TEAD1: variants seen among roughly 807,000 people sequenced by gnomAD.
TEAD1 encodes TEA domain transcription factor 1, also known as transcriptional enhancer factor TEF-1.
TEAD1 carries 9 observed loss-of-function variants against 54.9 expected under a neutral mutation model. The ratio of observed to expected loss-of-function variants is 0.16; its 90% CI spans 0.10 to 0.29. The LOEUF (loss-of-function observed/expected upper bound fraction) is 0.29. Among genes scored for constraint, TEAD1 ranks in the 10% least tolerant of loss-of-function variants. The pLI is 1.00. For missense variants in TEAD1, 387 were observed against 535.9 expected, an observed-to-expected ratio of 0.72 and a Z score of 2.74; for synonymous variants, 200 against 187.8, an observed-to-expected ratio of 1.07 and a Z score of -0.53.
rs1158382071 is a variant in TEAD1 at position 12,883,047 on chromosome 11, A to C, written c.621A>C (p.Gln207His). 4 of 1,614,174 alleles carry C rather than the reference A, an allele frequency of 2.5e-6. No homozygotes were observed. Among genetic ancestry groups the C allele is most frequent in the South Asian group, 1.1e-5 (1 of 91,082 alleles). The change falls in exon 9 of 13, where the codon CAA becomes CAC. Residue 207 changes from glutamine (Q) to histidine (H), a missense_variant. Transcript: ENST00000527636. ...CAGCTCCCTCAGTCCCTGCCTGGCA[A>C]GGTCGCTCCATTGGCACAACCAAGC...
intron 2 of TEAD1, among the ~76,000 whole-genome samples, chr11:12,749,662 C>T (rs552805570): frequency 7.2e-4 from 110 of 152,306 alleles, no homozygotes; most frequent in Middle Eastern, 6.8e-3. Context: ...GACTTTCTGT[C>T]CGTACCTCTC....
Position 12,937,974 on chromosome 11 carries a change from T to C in TEAD1, c.*752T>C, listed in dbSNP as rs1833043573. 6.6e-6 allele frequency: 1 copy of C among 152,322 alleles called. No homozygotes were observed. Among genetic ancestry groups the C allele is most frequent in the Non-Finnish European group, 1.5e-5 (1 of 67,950 alleles). The allele number at this position is 152,322 out of a possible 1,614,324, so 9.4% of individuals were successfully genotyped here. The stretch of plus-strand genomic sequence containing the variant: ...AACTTCACCCCTTATCCTTAACATA[T>C]ATAGTATATTTAAAAAATATAAAAT... On this transcript the variant is annotated 3_prime_UTR_variant, in exon 13 of 13. Transcript: ENST00000527636.
chr11:12,910,747 C>CTTTTTTTTTTTTTTTTTTT (rs5789752), intron 10 of TEAD1, among the ~76,000 whole-genome samples: 2 of 119,934 alleles, frequency 1.7e-5, no homozygotes, highest in Non-Finnish European at 1.7e-5. Flanking sequence ...ACTTAATTTG[C>CTTTTTTTTTTTTTTTTTTT]TTTTTTTTTT....
rs1443026033 is a variant in TEAD1, at chr11:12,719,799, C to G, written c.-55+44238C>G. Among the ~76,000 whole-genome samples, 3 of 151,622 alleles carry G rather than the reference C, an allele frequency of 2.0e-5. No homozygotes were observed. The Middle Eastern group carries it at 0.01, about 516-fold the overall frequency. ...AATCTTGAGCTAATAGCTAAAAAAA[C>G]TCTGACTTGAAAATTATGGTTTGTG... On this transcript the variant is annotated intron_variant, in intron 2 of 12. Coordinates refer to ENST00000527636, the MANE Select transcript of TEAD1 (RefSeq NM_021961.6).
chr11:12,678,505 A>G (rs765043660), intron 2 of TEAD1, among the ~76,000 whole-genome samples: 22 of 152,222 alleles, frequency 1.4e-4, no homozygotes, highest in Non-Finnish European at 2.6e-4. Flanking sequence ...CACATCAGTG[A>G]TACATTTTAT....
intron 4 of TEAD1, among the ~76,000 whole-genome samples, chr11:12,863,789 A>T (rs757179126): frequency 5.9e-5 from 9 of 152,126 alleles, no homozygotes; most frequent in Non-Finnish European, 1.2e-4. Context: ...ACCAAGTCCC[A>T]CTGAAAGAGA....
At chr11:12,729,950 A>G (rs187483649) in intron 2 of TEAD1, among the ~76,000 whole-genome samples, 1 of 152,338 alleles carries the variant, frequency 6.6e-6, no homozygotes, top group Non-Finnish European at 1.5e-5. Flanking sequence ...ACAGCGCAGC[A>G]TATTAAAGGC....
At chr11:12,789,248 T>G (rs1217009721) in intron 3 of TEAD1, among the ~76,000 whole-genome samples, 1 of 152,332 alleles carries the variant, frequency 6.6e-6, no homozygotes, top group East Asian at 1.9e-4. Flanking sequence ...GAGGACTGGT[T>G]GTGCCAGTTA....
At chr11:12,752,552 T>C (rs1043594076) in intron 2 of TEAD1, among the ~76,000 whole-genome samples, 19 of 152,214 alleles carry the variant, frequency 1.2e-4, no homozygotes, top group African/African-American at 3.1e-4. Context: ...ATCTTTTTTT[T>C]CCTCAATATT....
chr11:12,859,130 G>C (rs1203764015), intron 3 of TEAD1, among the ~76,000 whole-genome samples: 1 of 152,210 alleles, frequency 6.6e-6, no homozygotes, highest in Non-Finnish European at 1.5e-5. Flanking sequence ...AGTTGACACT[G>C]TTTAACTCCA....
At chr11:12,906,456 G>T (rs1948521930) in intron 10 of TEAD1, among the ~76,000 whole-genome samples, 1 of 151,484 alleles carries the variant, frequency 6.6e-6, no homozygotes, top group South Asian at 2.1e-4. Flanking sequence ...CAGGAGAATG[G>T]CGTGAACCTG....
rs4520580 is a variant in TEAD1 at position 12,773,099 on chromosome 11, T to A, written c.202+8665T>A. Among the ~76,000 whole-genome samples, 9 of 152,354 alleles carry A rather than the reference T, an allele frequency of 5.9e-5. No homozygotes were observed. In the East Asian group the frequency reaches 1.7e-3, roughly 29 times the overall value. On this transcript the variant is annotated intron_variant, in intron 3 of 12. Coordinates refer to ENST00000527636, the MANE Select transcript of TEAD1 (RefSeq NM_021961.6). ...CCGGGAGATTCATCCAGGTTGTGTG[T>A]ATCAAGTTTGTTCCTTTTTATCATT...
intron 2 of TEAD1, among the ~76,000 whole-genome samples, chr11:12,713,807 T>G (rs1489069799): frequency 2.0e-5 from 3 of 152,048 alleles, no homozygotes; most frequent in Non-Finnish European, 4.4e-5. Flanking sequence ...GCGTGTCAGC[T>G]CTCTCCTCTC....
chr11:12,747,460 G>A (rs1438077446), intron 2 of TEAD1, among the ~76,000 whole-genome samples: 1 of 152,022 alleles, frequency 6.6e-6, no homozygotes, highest in African/African-American at 2.4e-5. Flanking sequence ...TCAGCCTCCT[G>A]AGTAGCTGGG....
intron 2 of TEAD1, among the ~76,000 whole-genome samples, chr11:12,759,561 A>G (rs992100070): frequency 6.6e-6 from 1 of 152,168 alleles, no homozygotes; most frequent in Non-Finnish European, 1.5e-5. Context: ...CAAAGTATAC[A>G]TATTTTTAAA....
intron 3 of TEAD1, among the ~76,000 whole-genome samples, chr11:12,779,109 GGT>G (rs140152167): frequency 6.6e-6 from 1 of 151,956 alleles, no homozygotes; most frequent in African/African-American, 2.4e-5. Context: ...AAGTGGTAGG[GGT>G]GTGTGTGTGT....
intron 3 of TEAD1, among the ~76,000 whole-genome samples, chr11:12,808,908 G>C (rs1249644436): frequency 6.6e-6 from 1 of 152,184 alleles, no homozygotes; most frequent in Non-Finnish European, 1.5e-5. Flanking sequence ...GAGAATACAG[G>C]TGACAGGCTG....
intron 2 of TEAD1, among the ~76,000 whole-genome samples, chr11:12,739,647 C>A (rs1406081483): frequency 6.6e-6 from 1 of 152,190 alleles, no homozygotes; most frequent in African/African-American, 2.4e-5. Flanking sequence ...TTCAAGGTCC[C>A]ATTTTATTAA....
chr11:12,719,969 T>G (rs1944154044), intron 2 of TEAD1, among the ~76,000 whole-genome samples: 1 of 68,800 alleles, frequency 1.5e-5, no homozygotes, highest in African/African-American at 6.1e-5. Flanking sequence ...TTTTTTTTTT[T>G]TTTTTTTTTT....
Sources: allele counts gnomAD v4.1 joint callset (sites outside exome capture counted in the v4.1 genomes callset), GRCh38; gene constraint gnomAD v4.1.1; transcripts MANE v1.5; gene names NCBI Gene and HGNC (gene_info 2026-07-23, HGNC 2026-07-21).